Variants in PEX6 observed in about 807,000 individuals in gnomAD.
PEX6 encodes the protein peroxisome biogenesis factor 6.
A neutral mutation model predicts 85.6 loss-of-function variants in PEX6; 55 were observed. The observed-to-expected ratio is 0.64, with a 90% CI of 0.52 to 0.80. The LOEUF (loss-of-function observed/expected upper bound fraction) is 0.80, where lower values mean the gene tolerates loss of function less well. PEX6 is among the 30% of genes least tolerant of loss of function. The pLI is 0.00. For synonymous variants in PEX6, 519 were observed against 549.1 expected, an observed-to-expected ratio of 0.95 and a Z score of 0.77; for missense variants, 1,099 against 1,260.3, an observed-to-expected ratio of 0.87 and a Z score of 1.94.
rs530987525 is a variant in PEX6 at position 42,964,041 on chromosome 6, G to A, written c.*294C>T. 7.3e-6 allele frequency: 4 copies of A among 547,102 alleles called. No individual in the cohort carries two copies. The East Asian group carries it at 9.7e-5, about 13-fold the overall frequency. 33.9% of individuals were successfully genotyped at this position (547,102 alleles called of 1,614,324 possible). On this transcript the variant is annotated 3_prime_UTR_variant, in exon 17 of 17. Coordinates refer to ENST00000304611, the MANE Select transcript of PEX6 (RefSeq NM_000287.4). This position sits in a 1 kb window ranked among gnomAD's most constrained non-coding sequence, Gnocchi z 4.6. Reference sequence around the variant, plus strand: ...GGGACATGCTTTATTTTCAGCCACAGAACTAGCCCTCTCAGGGCCCAATCC... The same window carrying A: ...GGGACATGCTTTATTTTCAGCCACAAAACTAGCCCTCTCAGGGCCCAATCC...
chr6:42,968,732 A>G (rs1302355290), intron 6 of PEX6, 142 bp downstream of exon 6: 4 of 789,378 alleles, frequency 5.1e-6, no homozygotes, highest in Non-Finnish European at 9.0e-6. Context: ...GCTCAGCATC[A>G]TGGGAATATG....
chr6:42,971,340 C>G lies in PEX6; in HGVS notation c.1131-1353G>C, dbSNP rs1394024207. Among the ~76,000 whole-genome samples the G allele has an allele frequency of 6.6e-6, 1 of 152,110 alleles. No homozygotes were observed. Among genetic ancestry groups the G allele is most frequent in the African/African-American group, 2.4e-5 (1 of 41,406 alleles). ...TGGTGTGTATGACTCACCATGGAAGCCCTGCATAGGAATGAGATGGGGGAC... is the reference window on the plus strand; with the variant it reads ...TGGTGTGTATGACTCACCATGGAAGGCCTGCATAGGAATGAGATGGGGGAC... On this transcript the variant is annotated intron_variant, in intron 3 of 16. Transcript: ENST00000304611. The surrounding 1 kb of genome is among the most constrained non-coding windows in gnomAD (Gnocchi z 4.4).
chr6:42,966,984 T>C (rs1769842061), intron 8 of PEX6, 126 bp from the exon 9 acceptor site: 1 of 776,518 alleles, frequency 1.3e-6, no homozygotes, highest in Non-Finnish European at 2.2e-6. Context: ...TTTTTTTTTT[T>C]TTTTTGAGAC....
At position 42,969,789 on chromosome 6, in the gene PEX6, G is replaced by A. The variant is rs766038568; in HGVS notation, c.1246C>T (p.Leu416=). 5 of 1,613,830 alleles carry A rather than the reference G, an allele frequency of 3.1e-6. No individual in the cohort carries two copies. Among genetic ancestry groups the A allele is most frequent in the South Asian group, 1.1e-5 (1 of 91,060 alleles). The change falls in exon 5 of 17, where the codon CTG becomes TTG. Residue 416 remains leucine (L), a synonymous_variant. Coordinates refer to ENST00000304611, the MANE Select transcript of PEX6 (RefSeq NM_000287.4). Reference sequence around the variant, plus strand: ...GAAGGGAGCCATGGAACAGGGCTCAGGGTAGAACCCACCTGTGAAAGGTAA... The same window carrying A: ...GAAGGGAGCCATGGAACAGGGCTCAAGGTAGAACCCACCTGTGAAAGGTAA... The part of the protein sequence containing the change: ...HTSLYMVGST[L]SPVPWLPSEE...
At position 42,978,783 on chromosome 6, in the gene PEX6, A is replaced by T. The variant is rs1561831053; in HGVS notation, c.368T>A (p.Leu123Gln). The change falls in exon 1 of 17, where the codon CTG becomes CAG. Residue 123 changes from leucine to glutamine, a missense_variant. By Grantham distance (113) the Leu-to-Gln change is moderately radical (BLOSUM62 -2). This residue lies in a region of PEX6 where 579 missense variants were observed against 611.6 expected (regional missense o/e 0.95). Coordinates refer to ENST00000304611, the MANE Select transcript of PEX6 (RefSeq NM_000287.4). ...GAGGGTCTCTCCGCGCCTCACCAGCAGCGGCCCGACTCGCGGTCCGAGCCC... is the reference window on the plus strand; with the variant it reads ...GAGGGTCTCTCCGCGCCTCACCAGCTGCGGCCCGACTCGCGGTCCGAGCCC... Reference protein sequence around the residue: ...GPGLGPRVGPLLVRRGETLPV... With the variant: ...GPGLGPRVGPQLVRRGETLPV... 6.5e-7 allele frequency: 1 copy of T among 1,534,400 alleles called. No individual in the cohort carries two copies. The highest frequency in any genetic ancestry group is 1.2e-5 in the South Asian group (1 of 84,028).
rs757728193 is a variant in PEX6, at chr6:42,967,413, G to A, written c.1839C>T (p.Pro613=). The A allele has an allele frequency of 6.2e-7, 1 of 1,613,412 alleles. No individual in the cohort carries two copies. Residue 613 remains proline (P), a synonymous_variant, in exon 8 of 17, where the codon CCC becomes CCT. Coordinates refer to ENST00000304611, the MANE Select transcript of PEX6 (RefSeq NM_000287.4). ...SILRALTAHL[P]LGQEVNLAQL... ...GTGCCAAGTTCACCTCCTGGCCCAG[G>A]GGAAGGTGGGCAGTGAGGGCCCGCA...
chr6:42,977,929 C>T (rs1245076226), intron 1 of PEX6, among the ~76,000 whole-genome samples: 1 of 150,466 alleles, frequency 6.6e-6, no homozygotes, highest in Non-Finnish European at 1.5e-5. Context: ...CCGCAACCTC[C>T]GCCTCCCAGG....
chr6:42,966,472 G>A (rs757988992), intron 10 of PEX6, 25 bp from the exon 11 acceptor site: 11 of 1,614,120 alleles, frequency 6.8e-6, no homozygotes, highest in Non-Finnish European at 8.5e-6. Context: ...GTGCGTGGTT[G>A]GGATATGCTC....
rs774457810 is a variant in PEX6 at position 42,965,402 on chromosome 6, G to A, written c.2472-34C>T. The A allele has an allele frequency of 6.7e-7, 1 of 1,482,008 alleles. No individual in the cohort carries two copies. The highest frequency in any genetic ancestry group is 9.4e-7 in the Non-Finnish European group (1 of 1,060,976). 91.8% of individuals were successfully genotyped at this position (1,482,008 alleles called of 1,614,324 possible). ...AAGGGAGCAAGGGCAAGAGTCCTTG[G>A]TGTCCCCCTTAGACTCTGCCCCTGC... On this transcript the variant is annotated intron_variant, in intron 13 of 16. Transcript: ENST00000304611. The surrounding 1 kb of genome is among the most constrained non-coding windows in gnomAD (Gnocchi z 5.0).
At chr6:42,969,176 G>C (rs984673529) in intron 5 of PEX6, among the ~76,000 whole-genome samples, 191 bp from the exon 6 acceptor site, 1 of 152,182 alleles carries the variant, frequency 6.6e-6, no homozygotes, top group African/African-American at 2.4e-5. Flanking sequence ...GCTCTGGCCG[G>C]GGCATCCAGC....
intron 1 of PEX6, among the ~76,000 whole-genome samples, chr6:42,975,507 C>G (rs1194332453): frequency 6.6e-6 from 1 of 152,148 alleles, no homozygotes; most frequent in Non-Finnish European, 1.5e-5. Context: ...CAGGAGGAAA[C>G]CTACATCCAC....
Position 42,964,606 on chromosome 6 carries a change from C to T in PEX6, c.2807-135G>A. On this transcript the variant is annotated intron_variant, in intron 16 of 16. Coordinates refer to ENST00000304611, the MANE Select transcript of PEX6 (RefSeq NM_000287.4). The surrounding 1 kb of genome is among the most constrained non-coding windows in gnomAD (Gnocchi z 4.6). Reference sequence around the variant, plus strand: ...AATCCAGGACTAGGTTTGTCTCCCACTAGTTTTTTTTTTCCCTTAAACATT... The same window carrying T: ...AATCCAGGACTAGGTTTGTCTCCCATTAGTTTTTTTTTTCCCTTAAACATT... 1 of 1,326,042 alleles carries T rather than the reference C, an allele frequency of 7.5e-7. No homozygotes were observed. The highest frequency in any genetic ancestry group is 2.0e-5 in the Admixed American group (1 of 51,240). The allele number at this position is 1,326,042 out of a possible 1,614,324, so 82.1% of individuals were successfully genotyped here.
intron 3 of PEX6, among the ~76,000 whole-genome samples, chr6:42,973,680 C>G (rs1264212330): frequency 6.6e-6 from 1 of 152,124 alleles, no homozygotes; most frequent in Non-Finnish European, 1.5e-5. Flanking sequence ...TGGCGAAACC[C>G]TATCTCTACT....
chr6:42,970,792 C>T (rs1770033827), intron 3 of PEX6, among the ~76,000 whole-genome samples: 1 of 152,194 alleles, frequency 6.6e-6, no homozygotes, highest in South Asian at 2.1e-4. Context: ...CAGTCTCACC[C>T]TGATTCTGCC....
At chr6:42,977,271 T>A (rs1032741081) in intron 1 of PEX6, among the ~76,000 whole-genome samples, 2 of 150,752 alleles carry the variant, frequency 1.3e-5, no homozygotes, top group East Asian at 2.0e-4. Flanking sequence ...TTTTTTTTTT[T>A]ACACAGAATT....
rs1769746898 is a variant in PEX6, at chr6:42,965,485, A to G, written c.2472-117T>C. 3 of 936,012 alleles carry G rather than the reference A, an allele frequency of 3.2e-6. No homozygotes were observed. The highest frequency in any genetic ancestry group is 2.2e-4 in the Middle Eastern group (1 of 4,520). The allele number at this position is 936,012 out of a possible 1,614,324, so 58.0% of individuals were successfully genotyped here. On this transcript the variant is annotated intron_variant, in intron 13 of 16. Transcript: ENST00000304611. The surrounding 1 kb of genome is among the most constrained non-coding windows in gnomAD (Gnocchi z 5.0). ...AGGGCCCTCCACTCAGCTGTGCCCA[A>G]TGTGCCCCACCAGGTAGGCCCCCAT...
chr6:42,968,765 C>T, intron 6 of PEX6, 109 bp downstream of exon 6: 1 of 895,460 alleles, frequency 1.1e-6, no homozygotes, highest in Non-Finnish European at 1.9e-6. Flanking sequence ...GGCTGAAGTG[C>T]TAGGGCCTGT....
Position 42,966,385 on chromosome 6 carries a change from C to G in PEX6, c.2157G>C (p.Glu719Asp), listed in dbSNP as rs1385321266. 1.2e-6 allele frequency: 2 copies of G among 1,614,000 alleles called. No homozygotes were observed. The highest frequency in any genetic ancestry group is 2.7e-5 in the African/African-American group (2 of 74,928). Reference sequence around the variant, plus strand: ...GGTGCTCCAGGGGGAGCTGAATGGTCTCCAGGATCTCCTTCTTCACCTCCT... The same window carrying G: ...GGTGCTCCAGGGGGAGCTGAATGGTGTCCAGGATCTCCTTCTTCACCTCCT... ...GLQEVKKEIL[E>D]TIQLPLEHPE... is the part of the protein sequence containing the mutation. Residue 719 changes from glutamate (E) to aspartate (D), a missense_variant, in exon 11 of 17, where the codon GAG (glutamate) becomes GAC (aspartate). By Grantham distance (45) the Glu-to-Asp change is conservative. Around this residue, in one of 3 missense-constraint regions of PEX6, gnomAD observed 514 missense variants for 627.0 expected, o/e 0.82. Transcript: ENST00000304611.
intron 10 of PEX6, 35 bp downstream of exon 10, chr6:42,966,490 G>C: frequency 2.5e-6 from 4 of 1,614,086 alleles, no homozygotes; most frequent in Non-Finnish European, 3.4e-6. Flanking sequence ...CTCTTGGAGG[G>C]GCTCCTGTCC....
Sources: allele counts gnomAD v4.1 joint callset (sites outside exome capture counted in the v4.1 genomes callset), GRCh38; gene constraint gnomAD v4.1.1; regional missense constraint gnomAD v4.1.1; non-coding constraint Gnocchi (gnomAD v3.1); transcripts MANE v1.5; gene names NCBI Gene and HGNC (gene_info 2026-07-23, HGNC 2026-07-21).